PCDHGA9: variants seen among roughly 807,000 people sequenced by gnomAD.
The protein encoded by PCDHGA9 is protocadherin gamma-A9.
PCDHGA9 carries 37 observed loss-of-function variants against 62.5 expected under a neutral mutation model. The ratio of observed to expected loss-of-function variants is 0.59; its 90% CI spans 0.46 to 0.78. The LOEUF is 0.78. Among genes scored for constraint, PCDHGA9 ranks in the 30% least tolerant of loss-of-function variants. The pLI, the probability that PCDHGA9 is intolerant of heterozygous loss-of-function variation, is 0.00. For missense variants in PCDHGA9, 1,138 were observed against 1,166.2 expected (o/e 0.98, Z 0.35); for synonymous variants, 459 against 484.6 (o/e 0.95, Z 0.69).
At chr5:141,421,788 G>C (rs1262781272) in intron 1 of PCDHGA9, 7 of 1,613,682 alleles carry the variant, frequency 4.3e-6, no homozygotes, top group Admixed American at 3.3e-5. Flanking sequence ...GGGGCAGAAC[G>C]GATGGGGCCA....
chr5:141,433,837 CAAA>C (rs56191208), intron 1 of PCDHGA9, among the ~76,000 whole-genome samples: 5 of 111,684 alleles, frequency 4.5e-5, no homozygotes, highest in Admixed American at 2.0e-4. Flanking sequence ...AACTCTATCT[CAAA>C]AAAAAAAAAA....
At chr5:141,459,831 G>A (rs907978430) in intron 1 of PCDHGA9, among the ~76,000 whole-genome samples, 1 of 152,150 alleles carries the variant, frequency 6.6e-6, no homozygotes, top group Admixed American at 6.6e-5. Context: ...CTTTTCATGT[G>A]TTGTCTATTT....
chr5:141,480,137 A>G (rs1183663599), intron 1 of PCDHGA9, among the ~76,000 whole-genome samples: 2 of 152,096 alleles, frequency 1.3e-5, no homozygotes, highest in Non-Finnish European at 2.9e-5. Context: ...CTGTTAAACA[A>G]TTATTAGCCA....
rs183968443 is a variant in PCDHGA9 at position 141,495,033 on chromosome 5, G to A, written c.2483+168G>A. On this transcript the variant is annotated intron_variant, in intron 2 of 3. Coordinates refer to ENST00000573521, the MANE Select transcript of PCDHGA9 (RefSeq NM_018921.3). ...GGGGCTGGCACACAGACCCCGGAAG[G>A]AAGAGGCGACTGCCCTGACTGTTCA... is the stretch of plus-strand genomic sequence containing the variant. 1.4e-3 allele frequency: 1,380 copies of A among 968,234 alleles called. 4 individuals are homozygous for A. Among genetic ancestry groups the A allele is most frequent in the Middle Eastern group, 5.3e-3 (10 of 1,888 alleles). 60.0% of individuals were successfully genotyped at this position (968,234 alleles called of 1,614,324 possible).
chr5:141,409,495 T>C (rs777919409), intron 1 of PCDHGA9: 5 of 1,613,862 alleles, frequency 3.1e-6, no homozygotes, highest in Non-Finnish European at 4.2e-6. Context: ...GCAAGCCGCC[T>C]CTTTCTTCCA....
In PCDHGA9 at chr5:141,486,435, A is replaced by G. The variant is rs2099629501; in HGVS notation, c.2425-8372A>G. The G allele has an allele frequency of 6.2e-7, 1 of 1,614,118 alleles. No homozygotes were observed. Among genetic ancestry groups the G allele is most frequent in the Non-Finnish European group, 8.5e-7 (1 of 1,179,960 alleles). ...TTGGATCGAGAGGCCAAATCTAGCT[A>G]TGACATCATGGTCACTGCTTCTGAT... is the stretch of plus-strand genomic sequence containing the variant. On this transcript the variant is annotated intron_variant, in intron 1 of 3. Coordinates refer to ENST00000573521, the MANE Select transcript of PCDHGA9 (RefSeq NM_018921.3). This position sits in a 1 kb window ranked among gnomAD's most constrained non-coding sequence, Gnocchi z 5.0.
At chr5:141,455,075 G>A (rs1050636999) in intron 1 of PCDHGA9, among the ~76,000 whole-genome samples, 2 of 151,830 alleles carry the variant, frequency 1.3e-5, no homozygotes, top group African/African-American at 4.8e-5. Context: ...GCCTCCCAAA[G>A]TGCTGGGATT....
chr5:141,411,544 AC>A (rs2095497010), intron 1 of PCDHGA9: 1 of 152,298 alleles, frequency 6.6e-6, no homozygotes. Context: ...TGATCTTGCC[AC>A]TGCACTCCAG....
At chr5:141,455,013 C>T (rs1468289988) in intron 1 of PCDHGA9, among the ~76,000 whole-genome samples, 2 of 151,130 alleles carry the variant, frequency 1.3e-5, no homozygotes, top group African/African-American at 4.9e-5. Context: ...GGGGTTTCAC[C>T]GTGTTAGCCA....
Position 141,490,220 on chromosome 5 carries a change from A to G in PCDHGA9, c.2425-4587A>G. 6.2e-7 allele frequency: 1 copy of G among 1,614,252 alleles called. No individual in the cohort carries two copies. Among genetic ancestry groups the G allele is most frequent in the Non-Finnish European group, 8.5e-7 (1 of 1,180,044 alleles). On this transcript the variant is annotated intron_variant, in intron 1 of 3. Coordinates refer to ENST00000573521, the MANE Select transcript of PCDHGA9 (RefSeq NM_018921.3). This position sits in a 1 kb window ranked among gnomAD's most constrained non-coding sequence, Gnocchi z 5.4. The stretch of plus-strand genomic sequence containing the variant: ...CATGCAAGAGCCCGTGACCAGGGAC[A>G]GCCTGCCATGGAGGGCCACTGTGTG...
chr5:141,421,064 G>A (rs2096543646), intron 1 of PCDHGA9: 2 of 593,294 alleles, frequency 3.4e-6, no homozygotes, highest in Non-Finnish European at 5.7e-6. Context: ...ACACAAAGCG[G>A]AATGAGATGG....
chr5:141,464,043 T>C (rs2099074643), intron 1 of PCDHGA9, among the ~76,000 whole-genome samples: 2 of 152,074 alleles, frequency 1.3e-5, no homozygotes, highest in African/African-American at 4.8e-5. Context: ...GGCGGGTGGA[T>C]CACCTGAGGT....
chr5:141,487,361 A>C lies in PCDHGA9; in HGVS notation c.2425-7446A>C. On this transcript the variant is annotated intron_variant, in intron 1 of 3. Transcript: ENST00000573521. This position sits in a 1 kb window ranked among gnomAD's most constrained non-coding sequence, Gnocchi z 5.0. ...TGGAGTCACATGCTTTCCTGCTGGC[A>C]CCTGTGCCTGTCTCACCAGATCTCG... The C allele has an allele frequency of 1.2e-6, 2 of 1,613,834 alleles. No individual in the cohort carries two copies. Among genetic ancestry groups the C allele is most frequent in the East Asian group, 2.2e-5 (1 of 44,860 alleles).
chr5:141,437,371 A>C (rs887976412), intron 1 of PCDHGA9, among the ~76,000 whole-genome samples: 1 of 152,262 alleles, frequency 6.6e-6, no homozygotes, highest in African/African-American at 2.4e-5. Context: ...GAATGTAATC[A>C]GTCAGAAGAC....
rs200317374 is a variant in PCDHGA9 at position 141,408,395 on chromosome 5, A to G, written c.2424+3019A>G. On this transcript the variant is annotated intron_variant, in intron 1 of 3. Coordinates refer to ENST00000573521, the MANE Select transcript of PCDHGA9 (RefSeq NM_018921.3). ...CAGTGTCCTGGATGTGTCGGCTCGC[A>G]AGCTGCGAGTGAGCGCGGAGAAGCT... 8.8e-3 allele frequency: 14,159 copies of G among 1,613,888 alleles called. 310 individuals are homozygous for G. Among genetic ancestry groups the G allele is most frequent in the South Asian group, 0.064 (5,857 of 91,072 alleles).
Position 141,432,057 on chromosome 5 carries a change from C to G in PCDHGA9, c.2424+26681C>G. On this transcript the variant is annotated intron_variant, in intron 1 of 3. Coordinates refer to ENST00000573521, the MANE Select transcript of PCDHGA9 (RefSeq NM_018921.3). This position sits in a 1 kb window ranked among gnomAD's most constrained non-coding sequence, Gnocchi z 6.0. The stretch of plus-strand genomic sequence containing the variant: ...ACTGACCGGGGAACCCCGCCCCTAT[C>G]CACGGAAACTCATATCTCGCTGAAC... 1 of 1,614,220 alleles carries G rather than the reference C, an allele frequency of 6.2e-7. No homozygotes were observed. The highest frequency in any genetic ancestry group is 8.5e-7 in the Non-Finnish European group (1 of 1,180,042).
At chr5:141,452,046 T>C (rs767493861) in intron 1 of PCDHGA9, among the ~76,000 whole-genome samples, 1 of 152,242 alleles carries the variant, frequency 6.6e-6, no homozygotes, top group Non-Finnish European at 1.5e-5. Context: ...TAACTCCATT[T>C]GTAATAACTT....
chr5:141,491,641 C>T lies in PCDHGA9; in HGVS notation c.2425-3166C>T. Reference sequence around the variant, plus strand: ...CCTCAGCGTTCAGCAGCCCACAGCTCTGGCGCTGGAGCCTGACGCCATCCG... The same window carrying T: ...CCTCAGCGTTCAGCAGCCCACAGCTTTGGCGCTGGAGCCTGACGCCATCCG... On this transcript the variant is annotated intron_variant, in intron 1 of 3. Coordinates refer to ENST00000573521, the MANE Select transcript of PCDHGA9 (RefSeq NM_018921.3). The surrounding 1 kb of genome is among the most constrained non-coding windows in gnomAD (Gnocchi z 6.9). The T allele has an allele frequency of 6.2e-7, 1 of 1,613,896 alleles. No homozygotes were observed. Among genetic ancestry groups the T allele is most frequent in the Non-Finnish European group, 8.5e-7 (1 of 1,180,018 alleles).
In PCDHGA9 at chr5:141,403,612, G is replaced by C. The variant is rs1314297922; in HGVS notation, c.660G>C (p.Pro220=). Residue 220 remains proline (P), a synonymous_variant, in exon 1 of 4, where the codon CCG becomes CCC. Transcript: ENST00000573521. ...TCACGGCCTCGGATGGCGGCGAGCCGCGTCGCTCCAGCACAGTGCGCATCC... is the reference window on the plus strand; with the variant it reads ...TCACGGCCTCGGATGGCGGCGAGCCCCGTCGCTCCAGCACAGTGCGCATCC... ...LVLTASDGGE[P]RRSSTVRIHV... 9 of 1,613,736 alleles carry C rather than the reference G, an allele frequency of 5.6e-6. No individual in the cohort carries two copies. Among genetic ancestry groups the C allele is most frequent in the African/African-American group, 1.3e-5 (1 of 74,940 alleles).
Sources: allele counts gnomAD v4.1 joint callset (sites outside exome capture counted in the v4.1 genomes callset), GRCh38; gene constraint gnomAD v4.1.1; non-coding constraint Gnocchi (gnomAD v3.1); transcripts MANE v1.5; gene names NCBI Gene and HGNC (gene_info 2026-07-23, HGNC 2026-07-21).